The following STK31 variants were observed in gnomAD, a reference collection of about 807,000 sequenced individuals.
The protein encoded by STK31 is serine/threonine kinase 31, also known as serine/threonine-protein kinase 31.
In STK31, 89 loss-of-function variants were observed where a neutral mutation model predicts 129.7. The observed-to-expected ratio is 0.69, with a 90% CI of 0.58 to 0.82. The LOEUF (loss-of-function observed/expected upper bound fraction) is 0.82. Among genes scored for constraint, STK31 ranks in the 40% least tolerant of loss-of-function variants. The pLI is 0.00. For synonymous variants in STK31, 448 were observed against 395.3 expected (o/e 1.13, Z -1.58); for missense variants, 1,187 against 1,176.4 (o/e 1.01, Z -0.13).
intron 16 of STK31, among the ~76,000 whole-genome samples, chr7:23,782,313 A>T (rs373322331): frequency 6.7e-6 from 1 of 149,050 alleles, no homozygotes; most frequent in Non-Finnish European, 1.5e-5. Flanking sequence ...CTCTACAAAA[A>T]ATACAACAAT....
intron 1 of STK31, chr7:23,710,550 ATGAT>A (rs1785882689): frequency 1.4e-6 from 2 of 1,412,668 alleles, no homozygotes; most frequent in Non-Finnish European, 1.8e-6. Flanking sequence ...TCCGGCCTGA[ATGAT>A]CTCCATGAAG....
chr7:23,715,866 A>G (rs1306680326), intron 3 of STK31, among the ~76,000 whole-genome samples: 1 of 152,074 alleles, frequency 6.6e-6, no homozygotes, highest in Non-Finnish European at 1.5e-5. Context: ...ATATATATAT[A>G]TTTAACATTT....
At chr7:23,785,858 G>A (rs1226576710) in intron 18 of STK31, among the ~76,000 whole-genome samples, 1 of 151,426 alleles carries the variant, frequency 6.6e-6, no homozygotes, top group Non-Finnish European at 1.5e-5. Context: ...GTGGGGGGCA[G>A]GGGGAGGGAT....
chr7:23,721,791 T>A (rs1786715134), intron 4 of STK31: 1 of 635,892 alleles, frequency 1.6e-6, no homozygotes, highest in South Asian at 1.6e-5. Flanking sequence ...CTGCGTTAAC[T>A]GATCCTCTAC....
At chr7:23,805,337 A>G (rs1237408330) in intron 22 of STK31, among the ~76,000 whole-genome samples, 1 of 152,126 alleles carries the variant, frequency 6.6e-6, no homozygotes, top group Admixed American at 6.5e-5. Flanking sequence ...CGGCCTCCCA[A>G]AGTGTTAGGA....
chr7:23,748,403 C>G (rs1039328782), intron 8 of STK31, among the ~76,000 whole-genome samples: 1 of 152,146 alleles, frequency 6.6e-6, no homozygotes, highest in African/African-American at 2.4e-5. Context: ...GTGATCTTGA[C>G]AGGAATGTAT....
chr7:23,758,177 A>G (rs926119554), intron 10 of STK31, among the ~76,000 whole-genome samples: 1 of 152,028 alleles, frequency 6.6e-6, no homozygotes, highest in African/African-American at 2.4e-5. Flanking sequence ...TCTTTTCCCC[A>G]CACTACCTGG....
intron 23 of STK31, among the ~76,000 whole-genome samples, chr7:23,821,125 T>G (rs942376931): frequency 6.6e-6 from 1 of 152,194 alleles, no homozygotes. Context: ...GATGCAGGTT[T>G]CATATACTGA....
At chr7:23,783,977 A>G (rs1230943483) in intron 17 of STK31, among the ~76,000 whole-genome samples, 2 of 152,166 alleles carry the variant, frequency 1.3e-5, no homozygotes, top group South Asian at 2.1e-4. Flanking sequence ...CTATTTCAAG[A>G]GTTAGGATAA....
At chr7:23,777,945 A>G (rs756189346) in intron 15 of STK31, among the ~76,000 whole-genome samples, 8 of 152,112 alleles carry the variant, frequency 5.3e-5, no homozygotes, top group Non-Finnish European at 4.4e-5. Flanking sequence ...GGTCTTTACA[A>G]TTTGGTATGT....
chr7:23,797,162 A>C (rs1053239193), intron 22 of STK31, among the ~76,000 whole-genome samples: 1 of 152,132 alleles, frequency 6.6e-6, no homozygotes, highest in African/African-American at 2.4e-5. Context: ...ACACAATAAT[A>C]GTGGGAGACT....
intron 22 of STK31, among the ~76,000 whole-genome samples, chr7:23,810,805 T>G (rs1793072708): frequency 7.2e-6 from 1 of 139,836 alleles, no homozygotes; most frequent in African/African-American, 2.6e-5. Context: ...AATATGTATA[T>G]ATATTTGTAT....
chr7:23,745,261 TGAGAG>T (rs1365297492), intron 8 of STK31, among the ~76,000 whole-genome samples: 1 of 151,538 alleles, frequency 6.6e-6, no homozygotes, highest in African/African-American at 2.4e-5. Flanking sequence ...CAGACACTGG[TGAGAG>T]GGGTTATGGA....
chr7:23,774,014 G>A (rs530640386), intron 15 of STK31, among the ~76,000 whole-genome samples: 1 of 151,538 alleles, frequency 6.6e-6, no homozygotes, highest in African/African-American at 2.4e-5. Flanking sequence ...TCCCACCTAT[G>A]AGTGAGAACA....
chr7:23,758,402 T>A (rs969421420), intron 10 of STK31, among the ~76,000 whole-genome samples: 10 of 152,164 alleles, frequency 6.6e-5, no homozygotes, highest in Admixed American at 1.3e-4. Flanking sequence ...TTACTTTTTT[T>A]AAAAAACAGA....
chr7:23,725,627 A>AC (rs1787015188), intron 4 of STK31, among the ~76,000 whole-genome samples: 1 of 152,168 alleles, frequency 6.6e-6, no homozygotes, highest in South Asian at 2.1e-4. Flanking sequence ...ACTGTAAAGA[A>AC]ATACCTGAGA....
intron 8 of STK31, among the ~76,000 whole-genome samples, chr7:23,749,558 G>A (rs1202548466): frequency 7.2e-6 from 1 of 138,692 alleles, no homozygotes; most frequent in African/African-American, 2.7e-5. Context: ...TTGTCTTGTT[G>A]CCCAGGCTGG....
At chr7:23,718,396 A>T (rs1739960619) in intron 4 of STK31, among the ~76,000 whole-genome samples, 1 of 152,124 alleles carries the variant, frequency 6.6e-6, no homozygotes, top group South Asian at 2.1e-4. Flanking sequence ...CTAAGTATAT[A>T]GCTTGGTGAG....
chr7:23,714,969 C>G lies in STK31; in HGVS notation c.151-2512C>G, dbSNP rs181633222. Among the ~76,000 whole-genome samples, 310 of 152,268 alleles carry G rather than the reference C, an allele frequency of 2.0e-3. 1 individual carries two copies. Among genetic ancestry groups the G allele is most frequent in the Middle Eastern group, 6.8e-3 (2 of 294 alleles). On this transcript the variant is annotated intron_variant, in intron 3 of 23. Transcript: ENST00000355870. ...ACAGGCGGCTGTAATTTGCCAACCT[C>G]TGAGTTAAACCATGAAGTTGAGGCT... is the stretch of plus-strand genomic sequence containing the variant.
Sources: gnomAD v4.1 joint callset for allele counts (sites outside exome capture counted in the v4.1 genomes callset) on GRCh38, gnomAD v4.1.1 for gene constraint, MANE v1.5 for transcripts, NCBI Gene and HGNC (gene_info 2026-07-23, HGNC 2026-07-21) for gene names.